The following PSPH variants were observed in gnomAD, a reference collection of about 807,000 sequenced individuals.
PSPH encodes L-3-phosphoserine phosphatase.
A neutral mutation model predicts 23.4 loss-of-function variants in PSPH; 16 were observed. The ratio of observed to expected loss-of-function variants is 0.68; its 90% CI spans 0.46 to 1.04. The LOEUF is 1.04. Ranked by LOEUF, PSPH falls within the 50% of genes least tolerant of loss-of-function variation. The probability of loss-of-function intolerance (pLI) is 0.00; values close to 1 mark genes in which losing one functional copy is unlikely to be tolerated. For missense variants in PSPH, 223 were observed against 273.7 expected (o/e 0.81, Z 1.31); for synonymous variants, 68 against 99.7 (o/e 0.68, Z 1.89).
At chr7:56,045,905 G>C (rs933543947) in intron 1 of PSPH, among the ~76,000 whole-genome samples, 4 of 125,158 alleles carry the variant, frequency 3.2e-5, no homozygotes, top group African/African-American at 1.1e-4. Context: ...AAAAAAAAAA[G>C]AAAGAAACAA....
chr7:56,025,135 T>A (rs577293481), intron 3 of PSPH, among the ~76,000 whole-genome samples: 93 of 152,110 alleles, frequency 6.1e-4, no homozygotes, highest in African/African-American at 2.0e-3. Context: ...TAACATAATG[T>A]CTTTATTACA....
chr7:56,011,896 T>C, intron 7 of PSPH, 27 bp from the exon 8 acceptor site: 1 of 1,539,458 alleles, frequency 6.5e-7, no homozygotes, highest in Non-Finnish European at 9.0e-7. Context: ...GAGAGAGAAA[T>C]GATTTTTATT....
chr7:56,032,804 G>A (rs1791200302), intron 2 of PSPH, among the ~76,000 whole-genome samples: 1 of 151,396 alleles, frequency 6.6e-6, no homozygotes, highest in African/African-American at 2.4e-5. Flanking sequence ...TAAAATAAAT[G>A]AGCCAGGCAT....
intron 1 of PSPH, among the ~76,000 whole-genome samples, chr7:56,042,154 C>A (rs180680048): frequency 7.3e-6 from 1 of 137,278 alleles, no homozygotes; most frequent in African/African-American, 2.8e-5. Flanking sequence ...ATCCGGGAGG[C>A]GGAGGTTTAC....
At chr7:56,047,903 C>A (rs530326476) in intron 1 of PSPH, among the ~76,000 whole-genome samples, 2 of 152,210 alleles carry the variant, frequency 1.3e-5, no homozygotes, top group South Asian at 2.1e-4. Flanking sequence ...CTTGACCTCA[C>A]GATCCGCCGG....
At chr7:56,018,040 T>A (rs1221653508) in intron 5 of PSPH, among the ~76,000 whole-genome samples, 2 of 150,288 alleles carry the variant, frequency 1.3e-5, no homozygotes, top group Admixed American at 1.3e-4. Flanking sequence ...TTTTTCTAAA[T>A]GCACTTAGAA....
At chr7:56,040,567 G>A (rs62457264) in intron 1 of PSPH, among the ~76,000 whole-genome samples, 2,069 of 152,006 alleles carry the variant, frequency 0.014, 19 homozygotes, top group South Asian at 0.031. Flanking sequence ...ATTACAAAGC[G>A]ATATGATTAT....
At chr7:56,043,886 G>A (rs1792888165) in intron 1 of PSPH, among the ~76,000 whole-genome samples, 1 of 152,080 alleles carries the variant, frequency 6.6e-6, no homozygotes, top group African/African-American at 2.4e-5. Flanking sequence ...AACAAGCCAA[G>A]CCATCATTCA....
intron 3 of PSPH, among the ~76,000 whole-genome samples, chr7:56,024,664 CT>C (rs1789935560): frequency 6.6e-6 from 1 of 151,824 alleles, no homozygotes; most frequent in Non-Finnish European, 1.5e-5. Flanking sequence ...AGAAGGATTG[CT>C]TGAGCACAGG....
intron 3 of PSPH, among the ~76,000 whole-genome samples, chr7:56,027,252 A>G (rs1397944083): frequency 6.6e-6 from 1 of 151,820 alleles, no homozygotes; most frequent in Admixed American, 6.6e-5. Context: ...GCAACATAAC[A>G]TAACTAAGAA....
intron 1 of PSPH, among the ~76,000 whole-genome samples, chr7:56,047,079 G>T (rs1419179507): frequency 1.3e-5 from 2 of 152,074 alleles, no homozygotes; most frequent in Non-Finnish European, 2.9e-5. Context: ...AGTAATAATT[G>T]TTTCAGGCAA....
In PSPH at chr7:56,021,233, T is replaced by C. The variant is rs770106559; in HGVS notation, c.-19-2A>G. The C allele has an allele frequency of 3.1e-6, 5 of 1,612,166 alleles. No individual in the cohort carries two copies. On this transcript the variant is annotated splice_acceptor_variant, in intron 3 of 7. Transcript: ENST00000275605. LOFTEE classifies it low-confidence loss of function (5UTR_SPLICE). ...ACCATCGCTGGAAGAATTTTCCTCC[T>C]ACAAGAAAAAAGATAAATGTATTTA...
intron 3 of PSPH, among the ~76,000 whole-genome samples, chr7:56,027,130 G>T (rs768219699): frequency 6.6e-6 from 1 of 151,598 alleles, no homozygotes; most frequent in Non-Finnish European, 1.5e-5. Context: ...GCTTGAACCC[G>T]GGAGGCAGAA....
chr7:56,047,086 G>A (rs1306800684), intron 1 of PSPH, among the ~76,000 whole-genome samples: 1 of 151,980 alleles, frequency 6.6e-6, no homozygotes, highest in South Asian at 2.1e-4. Context: ...ATTGTTTCAG[G>A]CAAAAATTAT....
chr7:56,019,044 A>T (rs182331525), intron 5 of PSPH, among the ~76,000 whole-genome samples: 9,946 of 152,036 alleles, frequency 0.065, 331 homozygotes, highest in Middle Eastern at 0.085. Context: ...TAAGGAGGCT[A>T]AGGAGGGAGG....
At chr7:56,023,749 C>A (rs1306130366) in intron 3 of PSPH, among the ~76,000 whole-genome samples, 4 of 152,054 alleles carry the variant, frequency 2.6e-5, no homozygotes. Flanking sequence ...CACTGCTCAA[C>A]TGATTTCCAA....
At chr7:56,031,629 A>G (rs1239926409) in intron 3 of PSPH, among the ~76,000 whole-genome samples, 2 of 152,136 alleles carry the variant, frequency 1.3e-5, no homozygotes, top group African/African-American at 2.4e-5. Context: ...CCTGGCTAAC[A>G]TGGCAAAACC....
chr7:56,037,609 C>T (rs911748722), intron 1 of PSPH, among the ~76,000 whole-genome samples: 11 of 151,686 alleles, frequency 7.3e-5, no homozygotes, highest in Non-Finnish European at 1.2e-4. Flanking sequence ...GAGTCTGGGT[C>T]TCATTGGTCT....
chr7:56,011,941 T>C (rs1787956555), intron 7 of PSPH, 72 bp from the exon 8 acceptor site: 2 of 1,256,096 alleles, frequency 1.6e-6, no homozygotes, highest in Admixed American at 3.9e-5. Flanking sequence ...AGTCTCGCTC[T>C]GTCACCCAGG....
Sources: gnomAD v4.1 joint callset for allele counts (sites outside exome capture counted in the v4.1 genomes callset) on GRCh38, gnomAD v4.1.1 for gene constraint, MANE v1.5 for transcripts, NCBI Gene and HGNC (gene_info 2026-07-23, HGNC 2026-07-21) for gene names.